NBPF8: variants seen among roughly 807,000 people sequenced by gnomAD.
NBPF8 encodes NBPF family member NBPF8.
chr1:120,454,703 ATTTTTTTTTTTTTTTTTT>A (rs1175094609), intron 15 of NBPF8, among the ~76,000 whole-genome samples: 10 of 5,070 alleles, frequency 2.0e-3, no homozygotes, highest in Non-Finnish European at 2.7e-3. Context: ...AGCATCGTGG[ATTTTTTTTTTTTTTTTTT>A]TTTTTTTTTT....
chr1:120,452,966 C>A (rs1256169956), intron 13 of NBPF8, among the ~76,000 whole-genome samples: 1 of 151,686 alleles, frequency 6.6e-6, no homozygotes, highest in Non-Finnish European at 1.5e-5. Flanking sequence ...TCTTCTGATG[C>A]ATAGAGGACT....
upstream of NBPF8, among the ~76,000 whole-genome samples, chr1:120,417,434 GCCACTGCAC>G (rs1234106975): frequency 4.5e-5 from 6 of 132,906 alleles, no homozygotes; most frequent in Non-Finnish European, 9.6e-5. Context: ...ACAGGCATGA[GCCACTGCAC>G]CCAGCCTGAG....
chr1:120,428,453 A>C (rs1412718327), intron 3 of NBPF8, among the ~76,000 whole-genome samples: 5 of 152,028 alleles, frequency 3.3e-5, no homozygotes, highest in African/African-American at 1.2e-4. Context: ...GAAGAGAAGC[A>C]GGGATGGGTC....
intron 1 of NBPF8, among the ~76,000 whole-genome samples, chr1:120,421,583 T>TTTC (rs1416608604): frequency 6.7e-6 from 1 of 150,326 alleles, no homozygotes; most frequent in East Asian, 1.9e-4. Context: ...TTCTTTTCTT[T>TTTC]TTCTTTGTCT....
At chr1:120,422,922 C>T (rs1410548626) in intron 1 of NBPF8, among the ~76,000 whole-genome samples, 1 of 105,126 alleles carries the variant, frequency 9.5e-6, no homozygotes, top group Admixed American at 8.5e-5. Flanking sequence ...TATTTGCCAT[C>T]TGTATATCTT....
chr1:120,415,344 G>A (rs1184701476), upstream of NBPF8, among the ~76,000 whole-genome samples: 1 of 151,956 alleles, frequency 6.6e-6, no homozygotes, highest in Non-Finnish European at 1.5e-5. Flanking sequence ...GGGTCGAGCT[G>A]CGGCTGTCGC....
intron 18 of NBPF8, among the ~76,000 whole-genome samples, chr1:120,460,934 C>A (rs1264940785): frequency 1.1e-4 from 17 of 151,734 alleles, no homozygotes; most frequent in Non-Finnish European, 2.1e-4. Context: ...TCACTGTTCA[C>A]TGTGTGTCCT....
chr1:120,426,975 C>A (rs1484125411), intron 2 of NBPF8, among the ~76,000 whole-genome samples: 3 of 139,296 alleles, frequency 2.2e-5, no homozygotes, highest in Non-Finnish European at 4.6e-5. Flanking sequence ...TCCTGTGGGT[C>A]TTTGCCTCTG....
At chr1:120,466,109 C>A in exon 25 of NBPF8, 1 of 1,611,184 alleles carries the variant, frequency 6.2e-7, no homozygotes, top group Non-Finnish European at 8.5e-7. Context: ...GTGTTTTACT[C>A]ATTTGAGGAA....
intron 3 of NBPF8, among the ~76,000 whole-genome samples, chr1:120,428,450 A>C (rs1160783403): frequency 6.6e-6 from 1 of 152,060 alleles, no homozygotes. Flanking sequence ...GTGGAAGAGA[A>C]GCAGGGATGG....
chr1:120,415,322 G>A (rs1184423529), upstream of NBPF8, among the ~76,000 whole-genome samples: 3 of 152,060 alleles, frequency 2.0e-5, no homozygotes, highest in African/African-American at 7.2e-5. Flanking sequence ...CGGGACCCGC[G>A]GGTACACAGC....
chr1:120,465,848 T>G, intron 24 of NBPF8, 130 bp from the exon 23 acceptor site: 2 of 1,596,448 alleles, frequency 1.3e-6, no homozygotes, highest in Non-Finnish European at 1.7e-6. Flanking sequence ...AGGCAATAAT[T>G]TGTTACCTCA....
upstream of NBPF8, among the ~76,000 whole-genome samples, chr1:120,431,492 G>A (rs1384882419): frequency 1.3e-4 from 20 of 149,620 alleles, no homozygotes; most frequent in South Asian, 4.0e-3. Flanking sequence ...AGATACTTCA[G>A]AAAAGAAGAT....
At chr1:120,415,029 C>T (rs1553244840), upstream of NBPF8, among the ~76,000 whole-genome samples, 5 of 152,180 alleles carry the variant, frequency 3.3e-5, no homozygotes, top group Non-Finnish European at 2.9e-5. Context: ...GCTCTCCTGA[C>T]GCGCCGAGCG....
intron 11 of NBPF8, 21 bp downstream of exon 9, chr1:120,449,423 A>G (rs781979940): frequency 1.1e-4 from 159 of 1,484,374 alleles, no homozygotes; most frequent in Admixed American, 5.2e-4. Flanking sequence ...CAGGCTCACC[A>G]TCATGAAAGT....
downstream of NBPF8, among the ~76,000 whole-genome samples, chr1:120,468,392 C>T (rs1661808006): frequency 6.7e-6 from 1 of 148,666 alleles, no homozygotes; most frequent in Non-Finnish European, 1.5e-5. Context: ...CTGAGTTTAG[C>T]ATGTTTAATA....
At chr1:120,431,281 G>GTGTA (rs1300263012) in intron 3 of NBPF8, among the ~76,000 whole-genome samples, 14 of 119,656 alleles carry the variant, frequency 1.2e-4, no homozygotes, top group African/African-American at 2.6e-4. Context: ...GTGTGTGTGT[G>GTGTA]TATATTCACC....
chr1:120,442,886 C>G, exon 6 of NBPF8: 1 of 157,454 alleles, frequency 6.4e-6, no homozygotes, highest in Non-Finnish European at 1.2e-5. Context: ...ATGGTGGTAT[C>G]AGCCGGCCCT....
At chr1:120,452,460 A>G in intron 13 of NBPF8, 129 bp downstream of exon 11, 1 of 638,570 alleles carries the variant, frequency 1.6e-6, no homozygotes. Flanking sequence ...CCATGACATG[A>G]CCAGGACTTC....
Sources: allele counts gnomAD v4.1 joint callset (sites outside exome capture counted in the v4.1 genomes callset), GRCh38; gene constraint gnomAD v4.1.1; transcripts MANE v1.5; gene names NCBI Gene and HGNC (gene_info 2026-07-23, HGNC 2026-07-21).